Variants in ZBTB20 observed in about 807,000 individuals in gnomAD.
ZBTB20 encodes the protein zinc finger and BTB domain-containing protein 20.
In ZBTB20, 9 loss-of-function variants were observed where a neutral mutation model predicts 56.9. That is an observed-to-expected ratio of 0.16 (90% CI 0.10 to 0.28). The LOEUF (loss-of-function observed/expected upper bound fraction) is 0.28. ZBTB20 is among the 10% of genes least tolerant of loss of function. ZBTB20 has a pLI of 1.00. For synonymous variants in ZBTB20, 417 were observed against 420.7 expected (o/e 0.99, Z 0.11); for missense variants, 655 against 1,003.0 (o/e 0.65, Z 4.69).
At chr3:115,131,359 A>C (rs2084500900) in intron 1 of ZBTB20, among the ~76,000 whole-genome samples, 1 of 152,196 alleles carries the variant, frequency 6.6e-6, no homozygotes, top group Non-Finnish European at 1.5e-5. Flanking sequence ...TAAAGGCTGA[A>C]TATTATACAC....
chr3:114,709,424 T>C (rs1422256688), intron 5 of ZBTB20, among the ~76,000 whole-genome samples: 2 of 152,088 alleles, frequency 1.3e-5, no homozygotes, highest in African/African-American at 2.4e-5. Flanking sequence ...AGAGAAAGGC[T>C]GAAAATTTAG....
chr3:114,820,005 A>G (rs184009378), intron 4 of ZBTB20, among the ~76,000 whole-genome samples: 2 of 152,106 alleles, frequency 1.3e-5, no homozygotes, highest in East Asian at 3.9e-4. Context: ...TAATGCTGCT[A>G]TTCAAAACAG....
chr3:115,125,497 G>C (rs1211823254), intron 1 of ZBTB20, among the ~76,000 whole-genome samples: 1 of 152,166 alleles, frequency 6.6e-6, no homozygotes, highest in Admixed American at 6.5e-5. Context: ...AATACAGCAT[G>C]TTCTCACTCA....
intron 2 of ZBTB20, among the ~76,000 whole-genome samples, chr3:115,047,444 C>T (rs1357270410): frequency 6.6e-6 from 1 of 152,170 alleles, no homozygotes; most frequent in East Asian, 1.9e-4. Context: ...CCTCCATGTT[C>T]ACTTTACCCA....
At position 114,704,675 on chromosome 3, in the gene ZBTB20, A is replaced by G. The variant is rs539458761; in HGVS notation, c.-342-11100T>C. Among the ~76,000 whole-genome samples, 41 of 152,242 alleles carry G rather than the reference A, an allele frequency of 2.7e-4. 1 individual carries two copies. The South Asian group carries it at 8.3e-3, about 31-fold the overall frequency. On this transcript the variant is annotated intron_variant, in intron 5 of 11. Coordinates refer to ENST00000675478, the MANE Select transcript of ZBTB20 (RefSeq NM_001348800.3). ...AAGCAGAAAAATCTTCTGAAGGCAA[A>G]AGTATATGACTAAATCAAGATAATG...
intron 4 of ZBTB20, among the ~76,000 whole-genome samples, chr3:114,829,243 T>C (rs1457069099): frequency 6.6e-6 from 1 of 151,864 alleles, no homozygotes; most frequent in African/African-American, 2.4e-5. Context: ...AATCACTCTA[T>C]GAAGAACTGG....
intron 6 of ZBTB20, among the ~76,000 whole-genome samples, chr3:114,642,809 A>C (rs1435429085): frequency 6.6e-6 from 1 of 152,090 alleles, no homozygotes; most frequent in African/African-American, 2.4e-5. Flanking sequence ...CAAGGAAAAA[A>C]AGTGAATATG....
intron 6 of ZBTB20, among the ~76,000 whole-genome samples, chr3:114,550,119 T>C (rs926999564): frequency 6.6e-6 from 1 of 152,074 alleles, no homozygotes; most frequent in African/African-American, 2.4e-5. Flanking sequence ...TTTGTATTTT[T>C]AGTAGAGATG....
chr3:114,856,703 C>A (rs926918765), intron 4 of ZBTB20, among the ~76,000 whole-genome samples: 3 of 152,116 alleles, frequency 2.0e-5, no homozygotes, highest in Admixed American at 2.0e-4. Flanking sequence ...AATTTAAGCT[C>A]CTCATGATTT....
chr3:114,883,794 T>C (rs1171315224), intron 4 of ZBTB20, among the ~76,000 whole-genome samples: 1 of 151,932 alleles, frequency 6.6e-6, no homozygotes, highest in East Asian at 1.9e-4. Context: ...GTCTGCACTG[T>C]GGTATTTCTA....
Position 114,330,666 on chromosome 3 carries a change from G to A in ZBTB20, c.*8339C>T, listed in dbSNP as rs1160673288. On this transcript the variant is annotated 3_prime_UTR_variant, in exon 12 of 12. Coordinates refer to ENST00000675478, the MANE Select transcript of ZBTB20 (RefSeq NM_001348800.3). ...AACGACAAAAAAGTTGCAACTGTAAGTAGCCTTACTTAACAGGGGAAGGGG... is the reference window on the plus strand; with the variant it reads ...AACGACAAAAAAGTTGCAACTGTAAATAGCCTTACTTAACAGGGGAAGGGG... 6.6e-6 allele frequency: 1 copy of A among 152,186 alleles called. No homozygotes were observed. Among genetic ancestry groups the A allele is most frequent in the African/African-American group, 2.4e-5 (1 of 41,442 alleles). The allele number at this position is 152,186 out of a possible 1,614,324, so 9.4% of individuals were successfully genotyped here. A position where few individuals can be genotyped will look rare whatever the true frequency, so the allele number is the denominator to read the frequency against.
chr3:114,622,672 C>T (rs141869731), intron 6 of ZBTB20, among the ~76,000 whole-genome samples: 1 of 152,226 alleles, frequency 6.6e-6, no homozygotes, highest in African/African-American at 2.4e-5. Context: ...AACAAAATTC[C>T]AAAGCTGAGT....
At chr3:114,508,424 G>A (rs1308726823) in intron 6 of ZBTB20, among the ~76,000 whole-genome samples, 1 of 152,120 alleles carries the variant, frequency 6.6e-6, no homozygotes, top group Non-Finnish European at 1.5e-5. Flanking sequence ...TTCTTAAATA[G>A]AAGATGAGTC....
chr3:114,360,715 A>G lies in ZBTB20; in HGVS notation c.200-8837T>C, dbSNP rs550649648. Among the ~76,000 whole-genome samples, 5 of 152,206 alleles carry G rather than the reference A, an allele frequency of 3.3e-5. No individual in the cohort carries two copies. The South Asian group carries it at 1.0e-3, about 32-fold the overall frequency. ...TGAGGAGTAAAGACCTTCTATCCCA[A>G]AGCAACAGGGAAAAGCCAAGGAAAA... On this transcript the variant is annotated intron_variant, in intron 10 of 11. Transcript: ENST00000675478.
chr3:114,981,530 T>TA (rs1170629471), intron 2 of ZBTB20, among the ~76,000 whole-genome samples: 3 of 152,082 alleles, frequency 2.0e-5, no homozygotes, highest in African/African-American at 7.2e-5. Context: ...AAGAGAAATC[T>TA]ATTTAATTTT....
chr3:115,001,220 C>G (rs1056401184), intron 2 of ZBTB20, among the ~76,000 whole-genome samples: 3 of 151,126 alleles, frequency 2.0e-5, no homozygotes, highest in Non-Finnish European at 4.4e-5. Context: ...AAAATAAGCA[C>G]TTTAAAAACA....
intron 4 of ZBTB20, among the ~76,000 whole-genome samples, chr3:114,863,247 C>G (rs892412448): frequency 1.3e-5 from 2 of 152,014 alleles, no homozygotes; most frequent in Admixed American, 6.6e-5. Flanking sequence ...GAGAATCTGA[C>G]CAATATCTAA....
intron 7 of ZBTB20, among the ~76,000 whole-genome samples, chr3:114,487,532 A>C (rs1264104318): frequency 6.6e-6 from 1 of 152,210 alleles, no homozygotes; most frequent in Non-Finnish European, 1.5e-5. Context: ...GCCCCAGAGC[A>C]TGTCATCCCT....
intron 2 of ZBTB20, among the ~76,000 whole-genome samples, chr3:115,018,559 A>T (rs1378323866): frequency 6.6e-6 from 1 of 151,398 alleles, no homozygotes; most frequent in Non-Finnish European, 1.5e-5. Flanking sequence ...CACCATTTAG[A>T]TTGATATGTT....
Sources: allele counts gnomAD v4.1 joint callset (sites outside exome capture counted in the v4.1 genomes callset), GRCh38; gene constraint gnomAD v4.1.1; transcripts MANE v1.5; gene names NCBI Gene and HGNC (gene_info 2026-07-23, HGNC 2026-07-21).